TNR: variants seen among roughly 807,000 people sequenced by gnomAD.
TNR encodes tenascin R.
In TNR, 45 loss-of-function variants were observed where a neutral mutation model predicts 150.4. The ratio of observed to expected loss-of-function variants is 0.30; its 90% CI spans 0.24 to 0.38. TNR has a LOEUF of 0.38. TNR is among the 10% of genes least tolerant of loss of function. TNR has a pLI of 1.00. For missense variants in TNR, 1,544 were observed against 1,759.1 expected (o/e 0.88, Z 2.19); for synonymous variants, 687 against 678.4 (o/e 1.01, Z -0.20).
intron 1 of TNR, among the ~76,000 whole-genome samples, chr1:175,627,344 T>G (rs1201142268): frequency 6.6e-6 from 1 of 152,206 alleles, no homozygotes; most frequent in East Asian, 1.9e-4. Context: ...TTTATAAAAC[T>G]TGTTCTCATT....
At chr1:175,470,496 T>G (rs1323803420) in intron 2 of TNR, among the ~76,000 whole-genome samples, 1 of 152,138 alleles carries the variant, frequency 6.6e-6, no homozygotes, top group East Asian at 1.9e-4. Flanking sequence ...TTTTAAATTT[T>G]TAATTGTTTA....
At chr1:175,415,841 A>G (rs1654417040) in intron 2 of TNR, among the ~76,000 whole-genome samples, 1 of 101,490 alleles carries the variant, frequency 9.9e-6, no homozygotes, top group South Asian at 3.8e-4. Context: ...CATGATTGGA[A>G]GTGAAGATTG....
intron 1 of TNR, among the ~76,000 whole-genome samples, chr1:175,546,767 CT>C (rs1660704882): frequency 6.6e-6 from 1 of 152,130 alleles, no homozygotes; most frequent in Admixed American, 6.5e-5. Context: ...CTTCAGAAGT[CT>C]GAAGACTTCT....
At chr1:175,600,336 T>A (rs1256347668) in intron 1 of TNR, among the ~76,000 whole-genome samples, 2 of 152,240 alleles carry the variant, frequency 1.3e-5, no homozygotes, top group African/African-American at 4.8e-5. Context: ...TGCAGTGAGA[T>A]ATCCTATAAA....
At chr1:175,514,053 C>A (rs1305853261) in intron 2 of TNR, among the ~76,000 whole-genome samples, 1 of 152,144 alleles carries the variant, frequency 6.6e-6, no homozygotes, top group Non-Finnish European at 1.5e-5. Context: ...ATAATGACGC[C>A]TCAAAGACAT....
At chr1:175,432,270 A>G (rs1214637252) in intron 2 of TNR, among the ~76,000 whole-genome samples, 1 of 152,200 alleles carries the variant, frequency 6.6e-6, no homozygotes, top group Non-Finnish European at 1.5e-5. Context: ...GGCCAAAGCT[A>G]GCCAAAAGGT....
chr1:175,568,276 T>C (rs561449880), intron 1 of TNR, among the ~76,000 whole-genome samples: 1 of 152,220 alleles, frequency 6.6e-6, no homozygotes, highest in Admixed American at 6.5e-5. Flanking sequence ...TCACTGCTTT[T>C]CTCTCTTTAA....
At chr1:175,589,853 T>TG (rs1662728564) in intron 1 of TNR, among the ~76,000 whole-genome samples, 1 of 151,478 alleles carries the variant, frequency 6.6e-6, no homozygotes, top group Non-Finnish European at 1.5e-5. Flanking sequence ...GTCAGGGGGT[T>TG]GGGGGCTAGG....
chr1:175,319,408 A>AC lies in TNR; in HGVS notation c.*3948_*3949insG, dbSNP rs2101973890. ...ATTCCACAATGACTTTTTGTCCCTT[A>AC]ATCTACAGCTCTGCTCTGAGACTGG... is the stretch of plus-strand genomic sequence containing the variant. On this transcript the variant is annotated 3_prime_UTR_variant, in exon 23 of 23. Transcript: ENST00000367674. The AC allele has an allele frequency of 6.6e-6, 1 of 152,350 alleles. No individual in the cohort carries two copies. The highest frequency in any genetic ancestry group is 2.1e-4 in the South Asian group (1 of 4,832). 9.4% of individuals were successfully genotyped at this position (152,350 alleles called of 1,614,324 possible).
chr1:175,601,332 C>A (rs1207635803), intron 1 of TNR, among the ~76,000 whole-genome samples: 1 of 152,152 alleles, frequency 6.6e-6, no homozygotes, highest in Non-Finnish European at 1.5e-5. Flanking sequence ...TGGCCATGGC[C>A]ACTATTACAC....
At chr1:175,693,044 A>T in intron 1 of TNR, among the ~76,000 whole-genome samples, 1 of 152,242 alleles carries the variant, frequency 6.6e-6, no homozygotes, top group East Asian at 1.9e-4. Context: ...CTGCACTTGT[A>T]AAGTTATTCA....
At chr1:175,613,543 C>T (rs184943395) in intron 1 of TNR, among the ~76,000 whole-genome samples, 15 of 149,854 alleles carry the variant, frequency 1.0e-4, no homozygotes, top group Admixed American at 3.3e-4. Context: ...ATGATTGGAG[C>T]CTGCCCTCTG....
intron 1 of TNR, among the ~76,000 whole-genome samples, chr1:175,738,373 A>G (rs1667832947): frequency 6.6e-6 from 1 of 152,232 alleles, no homozygotes; most frequent in South Asian, 2.1e-4. Context: ...ATGCTATAGC[A>G]TGGTTGAACC....
At chr1:175,583,407 T>C (rs1161223171) in intron 1 of TNR, among the ~76,000 whole-genome samples, 1 of 152,092 alleles carries the variant, frequency 6.6e-6, no homozygotes, top group Non-Finnish European at 1.5e-5. Context: ...CCTGCAAGAA[T>C]TGCGAGACAC....
chr1:175,331,062 T>TTTCTTTCC (rs1557867836), intron 20 of TNR, among the ~76,000 whole-genome samples: 8 of 124,052 alleles, frequency 6.4e-5, no homozygotes, highest in African/African-American at 2.8e-4. Context: ...TCTTTCTTTC[T>TTTCTTTCC]TTCTTTCTTT....
chr1:175,594,278 T>C (rs1662922047), intron 1 of TNR, among the ~76,000 whole-genome samples: 1 of 151,958 alleles, frequency 6.6e-6, no homozygotes, highest in Non-Finnish European at 1.5e-5. Context: ...TATCAGTCAA[T>C]ATAGGGAAAG....
Position 175,322,602 on chromosome 1 carries a change from AC to A in TNR, c.*754del, listed in dbSNP as rs1649117438. 2 of 151,952 alleles carry A rather than the reference AC, an allele frequency of 1.3e-5. No homozygotes were observed. Among genetic ancestry groups the A allele is most frequent in the Admixed American group, 1.3e-4 (2 of 15,232 alleles). 9.4% of individuals were successfully genotyped at this position (151,952 alleles called of 1,614,324 possible). A position where few individuals can be genotyped will look rare whatever the true frequency, so the allele number is the denominator to read the frequency against. On this transcript the variant is annotated 3_prime_UTR_variant, in exon 23 of 23. Transcript: ENST00000367674. ...TGACCAGCCTGGACAACACAGTGAGACCCCCATCTCTACAAAAAATAAAAGA... is the reference window on the plus strand; with the variant it reads ...TGACCAGCCTGGACAACACAGTGAGACCCCATCTCTACAAAAAATAAAAGA...
chr1:175,636,346 T>C (rs1158703385), intron 1 of TNR, among the ~76,000 whole-genome samples: 1 of 152,150 alleles, frequency 6.6e-6, no homozygotes, highest in African/African-American at 2.4e-5. Context: ...CCCACAGACT[T>C]AATAGTTAAG....
chr1:175,419,405 C>T (rs777812040), intron 2 of TNR, among the ~76,000 whole-genome samples: 1 of 152,058 alleles, frequency 6.6e-6, no homozygotes, highest in African/African-American at 2.4e-5. Flanking sequence ...AAACAGAGCA[C>T]GTTTTGAGGG....
Sources: allele counts gnomAD v4.1 joint callset (sites outside exome capture counted in the v4.1 genomes callset), GRCh38; gene constraint gnomAD v4.1.1; transcripts MANE v1.5; gene names NCBI Gene and HGNC (gene_info 2026-07-23, HGNC 2026-07-21).